POU6F2: variants seen among roughly 807,000 people sequenced by gnomAD.
The protein encoded by POU6F2 is POU class 6 homeobox 2.
POU6F2 carries 31 observed loss-of-function variants against 71.3 expected under a neutral mutation model. The observed-to-expected ratio is 0.43, with a 90% confidence interval of 0.33 to 0.59. The LOEUF (loss-of-function observed/expected upper bound fraction) is 0.59, where lower values mean the gene tolerates loss of function less well. Among genes scored for constraint, POU6F2 ranks in the 20% least tolerant of loss-of-function variants. POU6F2 has a pLI of 0.04. For synonymous variants in POU6F2, 347 were observed against 355.7 expected (o/e 0.98, Z 0.27); for missense variants, 783 against 856.8 (o/e 0.91, Z 1.07).
intron 1 of POU6F2, among the ~76,000 whole-genome samples, chr7:39,025,052 A>G (rs1411310340): frequency 6.6e-6 from 1 of 151,344 alleles, no homozygotes; most frequent in East Asian, 1.9e-4. Context: ...CTCTTTTTCT[A>G]TTGATTGGAA....
intron 4 of POU6F2, among the ~76,000 whole-genome samples, chr7:39,297,705 A>C (rs945580867): frequency 2.0e-5 from 3 of 150,522 alleles, no homozygotes; most frequent in African/African-American, 7.5e-5. Context: ...TAGTCAAATT[A>C]AACTATCCTC....
intron 1 of POU6F2, among the ~76,000 whole-genome samples, chr7:39,014,067 CCTA>C (rs1250611506): frequency 1.3e-5 from 2 of 152,104 alleles, no homozygotes; most frequent in Non-Finnish European, 2.9e-5. Context: ...TGAAGCTTAG[CCTA>C]CTATAGATTT....
chr7:39,061,907 A>G (rs2128716202), intron 1 of POU6F2, among the ~76,000 whole-genome samples: 1 of 152,324 alleles, frequency 6.6e-6, no homozygotes, highest in Non-Finnish European at 1.5e-5. Flanking sequence ...CCTCGCTTTG[A>G]AACAATCATT....
In POU6F2 at chr7:39,213,695, G is replaced by A. The variant is rs138705604; in HGVS notation, c.598+6075G>A. Among the ~76,000 whole-genome samples, 32 of 152,244 alleles carry A rather than the reference G, an allele frequency of 2.1e-4. No homozygotes were observed. In the East Asian group the frequency reaches 5.0e-3, roughly 24 times the overall value. On this transcript the variant is annotated intron_variant, in intron 4 of 9. Transcript: ENST00000518318. ...GTTTTTGAGGTTCATCCATGTTGTC[G>A]TGTATACAACAGTATAGTAGTTCCT... is the stretch of plus-strand genomic sequence containing the variant.
At chr7:39,219,518 G>A (rs1794308491) in intron 4 of POU6F2, among the ~76,000 whole-genome samples, 1 of 152,062 alleles carries the variant, frequency 6.6e-6, no homozygotes, top group African/African-American at 2.4e-5. Context: ...GGTGCTATAG[G>A]GAAGGATATT....
At chr7:39,016,767 C>G (rs144664520) in intron 1 of POU6F2, among the ~76,000 whole-genome samples, 1 of 151,966 alleles carries the variant, frequency 6.6e-6, no homozygotes, top group Non-Finnish European at 1.5e-5. Context: ...TAGGTCAAGA[C>G]GGCGTTAAGC....
intron 2 of POU6F2, among the ~76,000 whole-genome samples, chr7:39,131,347 T>C (rs1479197432): frequency 1.3e-5 from 2 of 152,172 alleles, no homozygotes; most frequent in African/African-American, 4.8e-5. Flanking sequence ...ATAATCATAT[T>C]TGACGAATAA....
At chr7:39,056,662 CTGTGTGTGTGTGTGTA>C (rs1790530047) in intron 1 of POU6F2, among the ~76,000 whole-genome samples, 2 of 113,330 alleles carry the variant, frequency 1.8e-5, no homozygotes, top group African/African-American at 3.7e-5. Context: ...CTCTCTCTCT[CTGTGTGTGTGTGTGTA>C]TGTGTGTGTG....
chr7:39,176,141 C>G (rs572158840), intron 2 of POU6F2, among the ~76,000 whole-genome samples: 1 of 152,288 alleles, frequency 6.6e-6, no homozygotes, highest in African/African-American at 2.4e-5. Context: ...CACCCCTGGC[C>G]TGCAGGCTCT....
chr7:39,293,488 T>C (rs1160307857), intron 4 of POU6F2, among the ~76,000 whole-genome samples: 7 of 151,610 alleles, frequency 4.6e-5, no homozygotes, highest in Admixed American at 2.6e-4. Context: ...TTATTTTCCT[T>C]TCTTCATTCC....
rs759114924 is a variant in POU6F2 at position 39,464,729 on chromosome 7, A to G, written c.*43A>G. ...ATCAGAAGCAAAATTCACAGAAACT[A>G]AACTCCACCCTTGGGACTCCACAAC... On this transcript the variant is annotated 3_prime_UTR_variant, in exon 10 of 10. Transcript: ENST00000518318. This position sits in a 1 kb window ranked among gnomAD's most constrained non-coding sequence, Gnocchi z 4.1. The G allele has an allele frequency of 4.5e-6, 7 of 1,546,370 alleles. No homozygotes were observed. In the African/African-American group the frequency reaches 6.9e-5, roughly 15 times the overall value.
intron 4 of POU6F2, among the ~76,000 whole-genome samples, chr7:39,272,017 T>C (rs992785563): frequency 1.3e-5 from 2 of 151,882 alleles, no homozygotes; most frequent in African/African-American, 4.8e-5. Flanking sequence ...GGGTTGTTGT[T>C]AGATCAGATT....
At chr7:39,022,182 A>G (rs548444435) in intron 1 of POU6F2, among the ~76,000 whole-genome samples, 1 of 151,364 alleles carries the variant, frequency 6.6e-6, no homozygotes, top group East Asian at 1.9e-4. Context: ...TACTTTCTGC[A>G]TTCTTCTCTC....
chr7:39,354,671 C>G (rs1274912073), intron 5 of POU6F2, among the ~76,000 whole-genome samples: 2 of 152,068 alleles, frequency 1.3e-5, no homozygotes, highest in African/African-American at 4.8e-5. Context: ...TTCTTATCTC[C>G]CCATTAGAGA....
intron 2 of POU6F2, among the ~76,000 whole-genome samples, chr7:39,199,234 G>A (rs1403531956): frequency 1.3e-5 from 2 of 152,148 alleles, no homozygotes; most frequent in Non-Finnish European, 2.9e-5. Context: ...ATTCGTATTT[G>A]CAGTTCTGTT....
At chr7:39,227,711 C>T (rs1464529839) in intron 4 of POU6F2, among the ~76,000 whole-genome samples, 8 of 152,008 alleles carry the variant, frequency 5.3e-5, no homozygotes, top group East Asian at 1.9e-4. Flanking sequence ...TCCGCCACCA[C>T]GCTTGGCTAA....
At chr7:39,422,807 AT>A in intron 6 of POU6F2, among the ~76,000 whole-genome samples, 1 of 152,130 alleles carries the variant, frequency 6.6e-6, no homozygotes, top group East Asian at 1.9e-4. Context: ...CTCAGTCCGG[AT>A]TGTTACCTGA....
intron 6 of POU6F2, among the ~76,000 whole-genome samples, chr7:39,421,097 T>C (rs939221161): frequency 6.6e-6 from 1 of 152,106 alleles, no homozygotes; most frequent in Non-Finnish European, 1.5e-5. Context: ...TGCCTAATCA[T>C]TAGGGATAAG....
Position 39,468,066 on chromosome 7 carries a change from A to G in POU6F2, c.*3380A>G, listed in dbSNP as rs1465015325. The stretch of plus-strand genomic sequence containing the variant: ...ATTGAGATAAAGGAAATTGATTTTC[A>G]TTTCAATGTTTGACTGTAAAATCTG... On this transcript the variant is annotated 3_prime_UTR_variant, in exon 10 of 10. Coordinates refer to ENST00000518318, the MANE Select transcript of POU6F2 (RefSeq NM_001370959.1). 1 of 152,184 alleles carries G rather than the reference A, an allele frequency of 6.6e-6. No homozygotes were observed. The highest frequency in any genetic ancestry group is 1.9e-4 in the East Asian group (1 of 5,196). 9.4% of individuals were successfully genotyped at this position (152,184 alleles called of 1,614,324 possible). A position where few individuals can be genotyped will look rare whatever the true frequency, so the allele number is the denominator to read the frequency against.
Sources: gnomAD v4.1 joint callset for allele counts (sites outside exome capture counted in the v4.1 genomes callset) on GRCh38, gnomAD v4.1.1 for gene constraint, Gnocchi (gnomAD v3.1) non-coding constraint, MANE v1.5 for transcripts, NCBI Gene and HGNC (gene_info 2026-07-23, HGNC 2026-07-21) for gene names.